The following PI4KA variants were observed in gnomAD, a reference collection of about 807,000 sequenced individuals.
PI4KA encodes PI4-kinase alpha.
PI4KA carries 122 observed loss-of-function variants against 271.4 expected under a neutral mutation model. The observed-to-expected ratio is 0.45, with a 90% CI of 0.39 to 0.52. The LOEUF is 0.52. PI4KA is among the 20% of genes least tolerant of loss of function. The probability of loss-of-function intolerance (pLI) is 0.00; values close to 1 mark genes in which losing one functional copy is unlikely to be tolerated. For missense variants in PI4KA, 1,969 were observed against 2,769.1 expected, an observed-to-expected ratio of 0.71 and a Z score of 6.48; for synonymous variants, 1,041 against 1,078.8, an observed-to-expected ratio of 0.96 and a Z score of 0.69.
At chr22:20,828,057 G>A (rs1021384083) in intron 3 of PI4KA, among the ~76,000 whole-genome samples, 1 of 152,134 alleles carries the variant, frequency 6.6e-6, no homozygotes, top group Non-Finnish European at 1.5e-5. Flanking sequence ...GCCTCCCAAA[G>A]TGCTGGGATT....
At chr22:20,830,504 T>C (rs1166337053) in intron 3 of PI4KA, among the ~76,000 whole-genome samples, 1 of 152,212 alleles carries the variant, frequency 6.6e-6, no homozygotes, top group African/African-American at 2.4e-5. Context: ...TTGGCAGATT[T>C]TTTTCATCCT....
intron 47 of PI4KA, among the ~76,000 whole-genome samples, chr22:20,714,073 A>G (rs1377741434): frequency 6.6e-6 from 1 of 152,218 alleles, no homozygotes; most frequent in African/African-American, 2.4e-5. Flanking sequence ...CCAGAAGCTG[A>G]GGAGGCAAGG....
intron 19 of PI4KA, among the ~76,000 whole-genome samples, chr22:20,782,383 C>T (rs1264527912): frequency 6.6e-6 from 1 of 152,194 alleles, no homozygotes; most frequent in African/African-American, 2.4e-5. Flanking sequence ...CACTCAATGC[C>T]GGGCATCACA....
At chr22:20,786,024 C>T (rs1330688744) in intron 19 of PI4KA, 12 of 1,614,094 alleles carry the variant, frequency 7.4e-6, no homozygotes, top group South Asian at 4.4e-5. Context: ...GTGCTTCTGC[C>T]GAAATTCAAG....
rs992765555 is a variant in PI4KA, at chr22:20,708,249, G to T, written c.6258-151C>A. On this transcript the variant is annotated intron_variant, in intron 54 of 54. Transcript: ENST00000255882. ...TCCCAGGCGTGCCCTCCCCCACCCAGTGACCACATCTCCTGCTCCAACCCG... is the reference window on the plus strand; with the variant it reads ...TCCCAGGCGTGCCCTCCCCCACCCATTGACCACATCTCCTGCTCCAACCCG... The T allele has an allele frequency of 4.2e-6, 3 of 711,730 alleles. No homozygotes were observed. The African/African-American group carries it at 5.2e-5, about 12-fold the overall frequency. 44.1% of individuals were successfully genotyped at this position (711,730 alleles called of 1,614,324 possible). A position where few individuals can be genotyped will look rare whatever the true frequency, so the allele number is the denominator to read the frequency against.
chr22:20,744,917 TAA>T (rs968345220), intron 29 of PI4KA, among the ~76,000 whole-genome samples, 197 bp from the exon 30 acceptor site: 14 of 148,314 alleles, frequency 9.4e-5, no homozygotes, highest in African/African-American at 3.5e-4. Context: ...CATAAGAAAT[TAA>T]AAAAAAAAGT....
chr22:20,810,819 C>T (rs535762120), intron 9 of PI4KA, 148 bp downstream of exon 9: 33 of 693,982 alleles, frequency 4.8e-5, no homozygotes, highest in South Asian at 2.9e-4. Context: ...AAGCCCTCCG[C>T]GGCAGGTGGA....
intron 1 of PI4KA, among the ~76,000 whole-genome samples, chr22:20,846,943 C>T (rs1363772256): frequency 6.6e-6 from 1 of 150,546 alleles, no homozygotes; most frequent in African/African-American, 2.4e-5. Flanking sequence ...ATCAGGAGTT[C>T]GAGACCAGCC....
At chr22:20,765,949 G>A (rs763393333) in intron 19 of PI4KA, among the ~76,000 whole-genome samples, 1 of 152,194 alleles carries the variant, frequency 6.6e-6, no homozygotes, top group Non-Finnish European at 1.5e-5. Flanking sequence ...AGGACTTCCT[G>A]TCTAGTTTGG....
rs1028818004 is a variant in PI4KA, at chr22:20,798,570, T to C, written c.2108+14A>G. ...TACTGTCATGATAAAAAAGTGACAA[T>C]GAGGTCCAGTTACCTATAGCCGTGG... On this transcript the variant is annotated intron_variant, in intron 17 of 54. Coordinates refer to ENST00000255882, the MANE Select transcript of PI4KA (RefSeq NM_058004.4). 6.8e-7 allele frequency: 1 copy of C among 1,476,008 alleles called. No homozygotes were observed. Among genetic ancestry groups the C allele is most frequent in the Non-Finnish European group, 9.5e-7 (1 of 1,054,168 alleles). The allele number at this position is 1,476,008 out of a possible 1,614,324, so 91.4% of individuals were successfully genotyped here.
chr22:20,760,734 C>T (rs1931876472), intron 23 of PI4KA, among the ~76,000 whole-genome samples: 1 of 152,126 alleles, frequency 6.6e-6, no homozygotes, highest in South Asian at 2.1e-4. Context: ...CATTTTTATG[C>T]CTTCCTACAG....
Position 20,803,300 on chromosome 22 carries a change from C to T in PI4KA, c.1482G>A (p.Glu494=). Residue 494 remains glutamate (E), a synonymous_variant, in exon 13 of 55, where the codon GAG becomes GAA. Transcript: ENST00000255882. The part of the protein sequence containing the change: ...CCLQGLGRLC[E]RFPVVVHSVT... ...CAGAGTGCACCACCACCGGGAACCTCTCGCACAGGCGGCCCAAACCCTGCA... is the reference window on the plus strand; with the variant it reads ...CAGAGTGCACCACCACCGGGAACCTTTCGCACAGGCGGCCCAAACCCTGCA... 6.2e-7 allele frequency: 1 copy of T among 1,614,130 alleles called. No individual in the cohort carries two copies. The highest frequency in any genetic ancestry group is 8.5e-7 in the Non-Finnish European group (1 of 1,179,970).
intron 44 of PI4KA, 106 bp downstream of exon 44, chr22:20,718,587 G>C: frequency 3.1e-6 from 4 of 1,302,320 alleles, no homozygotes; most frequent in Non-Finnish European, 4.4e-6. Flanking sequence ...TCATTCATCT[G>C]GTTGGGGCCA....
In PI4KA at chr22:20,818,511, A is replaced by G; in HGVS notation, c.828T>C (p.Pro276=). Residue 276 remains proline (P), a synonymous_variant, in exon 7 of 55, where the codon CCT becomes CCC. Coordinates refer to ENST00000255882, the MANE Select transcript of PI4KA (RefSeq NM_058004.4). ...CAAAGTAGTGAAAGGCAGATCCTCC[A>G]GGGGAACTGGGAGGGGGCATGCCGC... The part of the protein sequence containing the change: ...PERGMPPPSS[P]GGSAFHYFEA... 1 of 1,571,544 alleles carries G rather than the reference A, an allele frequency of 6.4e-7. No homozygotes were observed. Among genetic ancestry groups the G allele is most frequent in the Non-Finnish European group, 8.6e-7 (1 of 1,163,994 alleles).
chr22:20,780,322 A>G, intron 19 of PI4KA: 1 of 1,477,108 alleles, frequency 6.8e-7, no homozygotes, highest in African/African-American at 1.4e-5. Context: ...TAGACACAAG[A>G]TTGACTCTGG....
At chr22:20,827,430 T>A (rs1923567339) in intron 3 of PI4KA, among the ~76,000 whole-genome samples, 1 of 152,206 alleles carries the variant, frequency 6.6e-6, no homozygotes, top group Admixed American at 6.5e-5. Context: ...ACCAGTACCA[T>A]GCTGTTTTGG....
At chr22:20,769,683 AT>A (rs1391339879) in intron 19 of PI4KA, among the ~76,000 whole-genome samples, 1 of 151,742 alleles carries the variant, frequency 6.6e-6, no homozygotes, top group Non-Finnish European at 1.5e-5. Flanking sequence ...AAAAAAAAAA[AT>A]CAAGGTCAGG....
In PI4KA at chr22:20,802,188, T is replaced by C. The variant is rs45569240; in HGVS notation, c.1592-83A>G. ...CTTTGTAATTCAAAAACCAAGATAATATGCTGATCATTTATAAAAGCAAAA... is the reference window on the plus strand; with the variant it reads ...CTTTGTAATTCAAAAACCAAGATAACATGCTGATCATTTATAAAAGCAAAA... On this transcript the variant is annotated intron_variant, in intron 13 of 54. Transcript: ENST00000255882. The C allele has an allele frequency of 6.1e-3, 7,607 of 1,257,002 alleles. 33 individuals are homozygous for C. The highest frequency in any genetic ancestry group is 7.8e-3 in the Non-Finnish European group (6,902 of 888,128). 77.9% of individuals were successfully genotyped at this position (1,257,002 alleles called of 1,614,324 possible).
chr22:20,743,424 G>C (rs145903107), intron 30 of PI4KA, among the ~76,000 whole-genome samples: 2 of 151,902 alleles, frequency 1.3e-5, no homozygotes, highest in East Asian at 3.9e-4. Flanking sequence ...GATTACAGGC[G>C]TGAGCGGCCA....
Sources: allele counts gnomAD v4.1 joint callset (sites outside exome capture counted in the v4.1 genomes callset), GRCh38; gene constraint gnomAD v4.1.1; transcripts MANE v1.5; gene names NCBI Gene and HGNC (gene_info 2026-07-23, HGNC 2026-07-21).